The following ATP6V0A2 variants were observed in gnomAD, a reference collection of about 807,000 sequenced individuals.
ATP6V0A2 encodes the protein ATPase H+ transporting V0 subunit a2.
Under a neutral mutation model 104.4 loss-of-function variants are expected in ATP6V0A2, and 58 were observed. The observed-to-expected ratio is 0.56, with a 90% CI of 0.45 to 0.69. ATP6V0A2 has a LOEUF of 0.69. Ranked by LOEUF, ATP6V0A2 falls within the 30% of genes least tolerant of loss-of-function variation. The probability of loss-of-function intolerance (pLI) is 0.00; values close to 1 mark genes in which losing one functional copy is unlikely to be tolerated. For missense variants in ATP6V0A2, 938 were observed against 1,062.9 expected, an observed-to-expected ratio of 0.88 and a Z score of 1.63; for synonymous variants, 376 against 397.9, an observed-to-expected ratio of 0.95 and a Z score of 0.65.
intron 6 of ATP6V0A2, among the ~76,000 whole-genome samples, chr12:123,730,483 T>G (rs948589184): frequency 6.6e-6 from 1 of 152,204 alleles, no homozygotes; most frequent in African/African-American, 2.4e-5. Context: ...AATAAAAATC[T>G]AATCCGTTTG....
rs1956434610 is a variant in ATP6V0A2 at position 123,724,896 on chromosome 12, G to A, written c.432+105G>A. Reference sequence around the variant, plus strand: ...TTTTGCTATTAGTTCATATAGATATGTTGCTTCTTTTAAGAGATTAAATTT... The same window carrying A: ...TTTTGCTATTAGTTCATATAGATATATTGCTTCTTTTAAGAGATTAAATTT... On this transcript the variant is annotated intron_variant, in intron 4 of 19. Coordinates refer to ENST00000330342, the MANE Select transcript of ATP6V0A2 (RefSeq NM_012463.4). The A allele has an allele frequency of 7.1e-6, 6 of 848,062 alleles. No homozygotes were observed. In the East Asian group the frequency reaches 1.3e-4, roughly 19 times the overall value. 52.5% of individuals were successfully genotyped at this position (848,062 alleles called of 1,614,324 possible).
Position 123,744,953 on chromosome 12 carries a change from AT to A in ATP6V0A2, c.1587del (p.Gly532AlafsTer16), listed in dbSNP as rs781695924. On this transcript the variant is annotated frameshift_variant, in exon 13 of 20. Coordinates refer to ENST00000330342, the MANE Select transcript of ATP6V0A2 (RefSeq NM_012463.4). LOFTEE classifies it high-confidence loss of function. The surrounding 1 kb of genome is among the most constrained non-coding windows in gnomAD (Gnocchi z 5.4). Reference protein sequence around the residue: ...PSIPGVFRGPYPLGIDPIWNL... With the variant: ...PSIPGVFRGPXPLGIDPIWNL... Reference sequence around the variant, plus strand: ...ATTCCTGGAGTGTTCCGAGGCCCTTATCCCCTTGGCATTGATCCTGTGAGTG... The same window carrying A: ...ATTCCTGGAGTGTTCCGAGGCCCTTACCCCTTGGCATTGATCCTGTGAGTG... The A allele has an allele frequency of 2.2e-5, 35 of 1,614,002 alleles. No individual in the cohort carries two copies. Among genetic ancestry groups the A allele is most frequent in the Admixed American group, 1.7e-5 (1 of 60,008 alleles).
chr12:123,737,332 T>G, intron 9 of ATP6V0A2, 61 bp downstream of exon 9: 1 of 1,531,356 alleles, frequency 6.5e-7, no homozygotes. Flanking sequence ...ACTGATAAAT[T>G]CAGAGAAAAA....
chr12:123,720,149 G>A (rs1593886002), intron 2 of ATP6V0A2, among the ~76,000 whole-genome samples: 2 of 152,120 alleles, frequency 1.3e-5, no homozygotes, highest in African/African-American at 2.4e-5. Context: ...CACCACACCC[G>A]GCCTATTTTT....
At chr12:123,747,829 A>G in intron 14 of ATP6V0A2, 104 bp downstream of exon 14, 1 of 743,878 alleles carries the variant, frequency 1.3e-6, no homozygotes, top group Non-Finnish European at 2.4e-6. Flanking sequence ...GGGGCAGCCA[A>G]TATGATGTTG....
intron 5 of ATP6V0A2, among the ~76,000 whole-genome samples, chr12:123,727,487 C>A (rs1956459402): frequency 6.6e-6 from 1 of 152,130 alleles, no homozygotes; most frequent in African/African-American, 2.4e-5. Flanking sequence ...GCATCTTGGA[C>A]AGGCTGGTTT....
chr12:123,730,291 A>G (rs991798164), intron 6 of ATP6V0A2, among the ~76,000 whole-genome samples: 2 of 151,612 alleles, frequency 1.3e-5, no homozygotes, highest in Admixed American at 6.6e-5. Context: ...TCCTGACCTC[A>G]TGATCCACCC....
At position 123,737,126 on chromosome 12, in the gene ATP6V0A2, G is replaced by A. The variant is rs754674753; in HGVS notation, c.893G>A (p.Arg298His). Residue 298 changes from arginine (R) to histidine (H), a missense_variant, in exon 9 of 20, where the codon CGT becomes CAT. By Grantham distance (29) the Arg-to-His change is conservative (BLOSUM62 0). Transcript: ENST00000330342. ...LCKAAESVYS[R>H]VIQVKKMKAI... Reference sequence around the variant, plus strand: ...AAAGCCGCCGAGTCTGTCTACAGCCGTGTGATCCAGGTGAAGAAAATGAAG... The same window carrying A: ...AAAGCCGCCGAGTCTGTCTACAGCCATGTGATCCAGGTGAAGAAAATGAAG... 5.6e-6 allele frequency: 9 copies of A among 1,614,214 alleles called. No homozygotes were observed. Among genetic ancestry groups the A allele is most frequent in the South Asian group, 1.1e-5 (1 of 91,084 alleles).
In ATP6V0A2 at chr12:123,712,666, TG is replaced by T; in HGVS notation, c.103del (p.Val35SerfsTer10). The T allele has an allele frequency of 3.7e-6, 6 of 1,610,366 alleles. No individual in the cohort carries two copies. Among genetic ancestry groups the T allele is most frequent in the Non-Finnish European group, 5.1e-6 (6 of 1,178,966 alleles). On this transcript the variant is annotated frameshift_variant, in exon 1 of 20. Transcript: ENST00000330342. LOFTEE classifies it high-confidence loss of function. ...CTCAGCGCCCTGGGCGAGAAAGGCC[TG>T]GTCCAGTTCCGAGACGTGAGTGTCG... ...ECLSALGEKG[L>X]VQFRDLNQNV...
intron 15 of ATP6V0A2, among the ~76,000 whole-genome samples, chr12:123,749,755 C>G (rs929216312): frequency 1.3e-5 from 2 of 152,184 alleles, no homozygotes; most frequent in Non-Finnish European, 2.9e-5. Flanking sequence ...CATGGCTCAC[C>G]ACGTTGTAAA....
intron 9 of ATP6V0A2, among the ~76,000 whole-genome samples, chr12:123,740,077 C>T (rs924199260): frequency 3.3e-5 from 5 of 152,048 alleles, no homozygotes; most frequent in African/African-American, 1.2e-4. Context: ...GTGGGAGGAT[C>T]GCTTGAGCCT....
intron 8 of ATP6V0A2, among the ~76,000 whole-genome samples, chr12:123,736,394 A>G (rs1010384084): frequency 2.0e-5 from 3 of 151,008 alleles, no homozygotes; most frequent in Non-Finnish European, 2.9e-5. Context: ...GGGTTTCACC[A>G]TGTTGGCCAG....
At position 123,761,642 on chromosome 12, in the gene ATP6V0A2, CAG is replaced by C. The variant is rs1328279527; in HGVS notation, c.*3611_*3612del. On this transcript the variant is annotated 3_prime_UTR_variant, in exon 20 of 20. Transcript: ENST00000330342. ...CTCAACTCCTTGTGAGGGGAAATGA[CAG>C]TGAACAAGTTAGTACTTTGCTCCAC... 1.3e-5 allele frequency: 2 copies of C among 152,156 alleles called. No homozygotes were observed. The highest frequency in any genetic ancestry group is 6.5e-5 in the Admixed American group (1 of 15,274). 9.4% of individuals were successfully genotyped at this position (152,156 alleles called of 1,614,324 possible). A position where few individuals can be genotyped will look rare whatever the true frequency, so the allele number is the denominator to read the frequency against.
At position 123,747,618 on chromosome 12, in the gene ATP6V0A2, G is replaced by A; in HGVS notation, c.1617G>A (p.Leu539=). 3 of 1,609,870 alleles carry A rather than the reference G, an allele frequency of 1.9e-6. No individual in the cohort carries two copies. Among genetic ancestry groups the A allele is most frequent in the Non-Finnish European group, 2.6e-6 (3 of 1,176,158 alleles). Residue 539 remains leucine, a synonymous_variant, in exon 14 of 20, where the codon TTG becomes TTA. Transcript: ENST00000330342. ...TGGTTTGGTTTTAGATTTGGAACTTGGCCACAAATCGCCTCACTTTTCTAA... is the reference window on the plus strand; with the variant it reads ...TGGTTTGGTTTTAGATTTGGAACTTAGCCACAAATCGCCTCACTTTTCTAA... ...YPLGIDPIWN[L]ATNRLTFLNS...
chr12:123,751,078 T>C, intron 15 of ATP6V0A2, 32 bp from the exon 16 acceptor site: 1 of 1,613,978 alleles, frequency 6.2e-7, no homozygotes, highest in South Asian at 1.1e-5. Flanking sequence ...CCTTCACGTT[T>C]TAATCGGGTT....
chr12:123,719,507 C>T lies in ATP6V0A2; in HGVS notation c.196+806C>T, dbSNP rs555936192. Among the ~76,000 whole-genome samples, 3 of 152,144 alleles carry T rather than the reference C, an allele frequency of 2.0e-5. No homozygotes were observed. In the South Asian group the frequency reaches 6.2e-4, roughly 32 times the overall value. ...GTTCCAGCGATTCTCCTGCTTCAGC[C>T]GCCCTAGTAGCTGGGACTATAGGTG... On this transcript the variant is annotated intron_variant, in intron 2 of 19. Transcript: ENST00000330342.
In ATP6V0A2 at chr12:123,761,668, A is replaced by G. The variant is rs1278078113; in HGVS notation, c.*3636A>G. 1 of 152,234 alleles carries G rather than the reference A, an allele frequency of 6.6e-6. No individual in the cohort carries two copies. The highest frequency in any genetic ancestry group is 2.4e-5 in the African/African-American group (1 of 41,466). The allele number at this position is 152,234 out of a possible 1,614,324, so 9.4% of individuals were successfully genotyped here. A position where few individuals can be genotyped will look rare whatever the true frequency, so the allele number is the denominator to read the frequency against. ...AGTGAACAAGTTAGTACTTTGCTCC[A>G]CAAATGCATGAAAGGACAAATTTGC... On this transcript the variant is annotated 3_prime_UTR_variant, in exon 20 of 20. Transcript: ENST00000330342.
At chr12:123,737,575 T>C (rs1014030076) in intron 9 of ATP6V0A2, 2 of 381,134 alleles carry the variant, frequency 5.2e-6, no homozygotes, top group Non-Finnish European at 1.0e-5. Flanking sequence ...ACTGAAATTA[T>C]GGTGAGCTGG....
Position 123,758,489 on chromosome 12 carries a change from T to A in ATP6V0A2, c.*457T>A, listed in dbSNP as rs937172159. 1 of 153,194 alleles carries A rather than the reference T, an allele frequency of 6.5e-6. No individual in the cohort carries two copies. Among genetic ancestry groups the A allele is most frequent in the African/African-American group, 2.4e-5 (1 of 41,446 alleles). The allele number at this position is 153,194 out of a possible 1,614,324, so 9.5% of individuals were successfully genotyped here. The stretch of plus-strand genomic sequence containing the variant: ...AATTTAATGATGGGTAATCAAAACA[T>A]TCACATTTATTCTGCTGGATTTAAA... On this transcript the variant is annotated 3_prime_UTR_variant, in exon 20 of 20. Coordinates refer to ENST00000330342, the MANE Select transcript of ATP6V0A2 (RefSeq NM_012463.4).
Sources: gnomAD v4.1 joint callset for allele counts (sites outside exome capture counted in the v4.1 genomes callset) on GRCh38, gnomAD v4.1.1 for gene constraint, Gnocchi (gnomAD v3.1) non-coding constraint, MANE v1.5 for transcripts, NCBI Gene and HGNC (gene_info 2026-07-23, HGNC 2026-07-21) for gene names.